Variants in ZNF532 observed in about 807,000 individuals in gnomAD.
The protein encoded by ZNF532 is zinc finger protein 532.
In ZNF532, 22 loss-of-function variants were observed where a neutral mutation model predicts 89.3. The observed-to-expected ratio is 0.25, with a 90% CI of 0.18 to 0.35. ZNF532 has a LOEUF of 0.35. Ranked by LOEUF, ZNF532 falls within the 10% of genes least tolerant of loss-of-function variation. ZNF532 has a pLI of 1.00. For synonymous variants in ZNF532, 606 were observed against 649.6 expected, an observed-to-expected ratio of 0.93 and a Z score of 1.02; for missense variants, 1,132 against 1,643.4, an observed-to-expected ratio of 0.69 and a Z score of 5.38.
intron 2 of ZNF532, among the ~76,000 whole-genome samples, chr18:58,881,812 A>C (rs2057948464): frequency 2.0e-5 from 3 of 152,142 alleles, no homozygotes; most frequent in Non-Finnish European, 4.4e-5. Flanking sequence ...GGCTGTAGCT[A>C]CTCAATGTCC....
intron 2 of ZNF532, among the ~76,000 whole-genome samples, chr18:58,865,850 T>G (rs1016574102): frequency 6.6e-6 from 1 of 152,108 alleles, no homozygotes; most frequent in Non-Finnish European, 1.5e-5. Flanking sequence ...ATGGTAGGCG[T>G]CAGGGCCTTG....
chr18:58,880,049 G>A (rs1216426863), intron 2 of ZNF532, among the ~76,000 whole-genome samples: 1 of 152,142 alleles, frequency 6.6e-6, no homozygotes, highest in East Asian at 1.9e-4. Flanking sequence ...TTCTGAAAAA[G>A]ATGTTTTGGT....
At chr18:58,872,053 G>A (rs958855295) in intron 2 of ZNF532, among the ~76,000 whole-genome samples, 6 of 152,288 alleles carry the variant, frequency 3.9e-5, no homozygotes, top group African/African-American at 1.4e-4. Flanking sequence ...GTTTTATAAT[G>A]AGGGAGAGCA....
In ZNF532 at chr18:58,986,303, G is replaced by T. The variant is rs1038638132; in HGVS notation, c.*1837G>T. 6.6e-6 allele frequency: 1 copy of T among 152,658 alleles called. No homozygotes were observed. The highest frequency in any genetic ancestry group is 1.5e-5 in the Non-Finnish European group (1 of 68,044). 9.5% of individuals were successfully genotyped at this position (152,658 alleles called of 1,614,324 possible). ...TAGGTCCGAATAACCTAGTTTTACA[G>T]TTGAGGGAGCTGAGCTCAGATTCAG... On this transcript the variant is annotated 3_prime_UTR_variant, in exon 10 of 10. Coordinates refer to ENST00000591808, the MANE Select transcript of ZNF532 (RefSeq NM_001375912.1).
intron 2 of ZNF532, among the ~76,000 whole-genome samples, chr18:58,916,383 TTC>T (rs1453557592): frequency 4.6e-5 from 7 of 152,248 alleles, no homozygotes; most frequent in Non-Finnish European, 8.8e-5. Flanking sequence ...TGAATCTGAC[TTC>T]TCATAGATAT....
At chr18:58,942,349 C>CCTCCCTG (rs1568383305) in intron 5 of ZNF532, among the ~76,000 whole-genome samples, 2 of 43,172 alleles carry the variant, frequency 4.6e-5, no homozygotes, top group Non-Finnish European at 8.2e-5. Flanking sequence ...CTCCCTCCCT[C>CCTCCCTG]CCTTCCTTCC....
chr18:58,930,248 G>T (rs2061838401), intron 3 of ZNF532, among the ~76,000 whole-genome samples: 1 of 152,086 alleles, frequency 6.6e-6, no homozygotes. Context: ...TCCTTAACTG[G>T]CCAGAATGTA....
chr18:58,918,539 C>A lies in ZNF532; in HGVS notation c.252C>A (p.Pro84=). ...GCGGGGAGAAAGACGGCCACAACCC[C>A]ACTGGCAATGGCTTACATAATGGGT... The part of the protein sequence containing the change: ...SEGGEKDGHN[P]TGNGLHNGFL... The change falls in exon 3 of 10, where the codon CCC becomes CCA. Residue 84 remains proline (P), a synonymous_variant. Coordinates refer to ENST00000591808, the MANE Select transcript of ZNF532 (RefSeq NM_001375912.1). 6.2e-7 allele frequency: 1 copy of A among 1,614,198 alleles called. No individual in the cohort carries two copies. The highest frequency in any genetic ancestry group is 8.5e-7 in the Non-Finnish European group (1 of 1,180,048).
intron 5 of ZNF532, among the ~76,000 whole-genome samples, chr18:58,942,873 A>C (rs1388474177): frequency 6.6e-6 from 1 of 152,236 alleles, no homozygotes; most frequent in East Asian, 1.9e-4. Flanking sequence ...AATGATTTGC[A>C]TTACTTTTTT....
intron 7 of ZNF532, among the ~76,000 whole-genome samples, chr18:58,968,407 G>A (rs993303919): frequency 4.6e-5 from 7 of 152,168 alleles, no homozygotes; most frequent in African/African-American, 1.7e-4. Flanking sequence ...TGGCTGCAGC[G>A]AGTCTAGCTC....
chr18:58,900,477 C>T (rs2059533561), intron 2 of ZNF532, among the ~76,000 whole-genome samples: 1 of 152,148 alleles, frequency 6.6e-6, no homozygotes, highest in South Asian at 2.1e-4. Context: ...CGGGGGCTCC[C>T]TGTTTCTAGC....
chr18:58,876,584 C>T lies in ZNF532; in HGVS notation c.-18+11005C>T, dbSNP rs1219177694. On this transcript the variant is annotated intron_variant, in intron 2 of 9. Transcript: ENST00000591808. ...CTGAGTACTCAGGATCTGAATGGAT[C>T]CGGGGTTTATTCCTCTCCCTACATT... is the stretch of plus-strand genomic sequence containing the variant. Among the ~76,000 whole-genome samples the T allele has an allele frequency of 3.9e-5, 6 of 152,258 alleles. No individual in the cohort carries two copies. In the South Asian group the frequency reaches 1.2e-3, roughly 32 times the overall value.
chr18:58,959,263 TTTTTTTG>T (rs1268243728), intron 7 of ZNF532, among the ~76,000 whole-genome samples: 2 of 147,224 alleles, frequency 1.4e-5, no homozygotes, highest in East Asian at 4.1e-4. Context: ...GTTTTTTGTT[TTTTTTTG>T]TTTTTTTTTG....
At chr18:58,934,656 C>T (rs2062223079) in intron 4 of ZNF532, 42 bp downstream of exon 4, 1 of 1,575,154 alleles carries the variant, frequency 6.3e-7, no homozygotes. Context: ...AACTCGTTCA[C>T]TTACAACCGC....
chr18:58,879,451 G>A (rs369940999), intron 2 of ZNF532, among the ~76,000 whole-genome samples: 11 of 152,316 alleles, frequency 7.2e-5, no homozygotes, highest in African/African-American at 2.4e-4. Context: ...AGGCTGGAGT[G>A]CAGTGGCACA....
chr18:58,957,067 C>T lies in ZNF532; in HGVS notation c.3150+3268C>T, dbSNP rs147023023. On this transcript the variant is annotated intron_variant, in intron 7 of 9. Coordinates refer to ENST00000591808, the MANE Select transcript of ZNF532 (RefSeq NM_001375912.1). The stretch of plus-strand genomic sequence containing the variant: ...CTCCTCTTAGACTTAACCTCCTCTT[C>T]TTTAAAATGGGTACATATTTAGTGA... Among the ~76,000 whole-genome samples the T allele has an allele frequency of 4.6e-5, 7 of 152,290 alleles. No homozygotes were observed. The East Asian group carries it at 1.3e-3, about 29-fold the overall frequency.
At chr18:58,938,124 T>C (rs962605024) in intron 4 of ZNF532, among the ~76,000 whole-genome samples, 1 of 152,234 alleles carries the variant, frequency 6.6e-6, no homozygotes, top group Non-Finnish European at 1.5e-5. Context: ...GTTCTAAGAA[T>C]AGAAGCATCT....
chr18:58,880,769 CGCGTCTGT>C (rs2057841796), intron 2 of ZNF532, among the ~76,000 whole-genome samples: 3 of 131,108 alleles, frequency 2.3e-5, no homozygotes, highest in African/African-American at 8.7e-5. Flanking sequence ...CGCACGCGCG[CGCGTCTGT>C]GTGTGTGTGT....
At chr18:58,956,570 C>T (rs2064800043) in intron 7 of ZNF532, among the ~76,000 whole-genome samples, 1 of 152,132 alleles carries the variant, frequency 6.6e-6, no homozygotes, top group Non-Finnish European at 1.5e-5. Context: ...TTAAGTCACC[C>T]AAACTTCAAA....
Sources: allele counts gnomAD v4.1 joint callset (sites outside exome capture counted in the v4.1 genomes callset), GRCh38; gene constraint gnomAD v4.1.1; transcripts MANE v1.5; gene names NCBI Gene and HGNC (gene_info 2026-07-23, HGNC 2026-07-21).